DPP10: variants seen among roughly 807,000 people sequenced by gnomAD.
The protein encoded by DPP10 is inactive dipeptidyl peptidase 10.
DPP10 carries 33 observed loss-of-function variants against 120.9 expected under a neutral mutation model. The ratio of observed to expected loss-of-function variants is 0.27; its 90% confidence interval spans 0.21 to 0.37. The LOEUF is 0.37. Among genes scored for constraint, DPP10 ranks in the 10% least tolerant of loss-of-function variants. DPP10 has a pLI of 1.00. For synonymous variants in DPP10, 337 were observed against 326.1 expected, an observed-to-expected ratio of 1.03 and a Z score of -0.36; for missense variants, 816 against 942.8, an observed-to-expected ratio of 0.87 and a Z score of 1.76.
At chr2:114,913,539 T>C (rs940161584) in intron 1 of DPP10, among the ~76,000 whole-genome samples, 5 of 152,192 alleles carry the variant, frequency 3.3e-5, no homozygotes, top group African/African-American at 1.2e-4. Context: ...ATCATCTAAA[T>C]TCGACTTATA....
chr2:114,648,439 C>T (rs1357699198), intron 1 of DPP10, among the ~76,000 whole-genome samples: 1 of 152,120 alleles, frequency 6.6e-6, no homozygotes, highest in East Asian at 1.9e-4. Flanking sequence ...GATCTTCATC[C>T]CAGTATTTCT....
At chr2:114,666,552 A>G (rs576152706) in intron 1 of DPP10, among the ~76,000 whole-genome samples, 3 of 152,320 alleles carry the variant, frequency 2.0e-5, no homozygotes, top group Admixed American at 1.3e-4. Flanking sequence ...TTGATCTCTC[A>G]GCTGCCCTCA....
At chr2:115,382,239 T>G (rs865947430) in intron 3 of DPP10, among the ~76,000 whole-genome samples, 2 of 152,118 alleles carry the variant, frequency 1.3e-5, no homozygotes, top group Non-Finnish European at 2.9e-5. Context: ...CTCTGAGCCA[T>G]GTGCGGGATA....
At chr2:115,114,962 C>T (rs1468527050) in intron 1 of DPP10, among the ~76,000 whole-genome samples, 1 of 151,876 alleles carries the variant, frequency 6.6e-6, no homozygotes, top group Non-Finnish European at 1.5e-5. Context: ...GTTACACTGC[C>T]TGCAAAATGA....
At chr2:115,459,205 G>A (rs2073824952) in intron 3 of DPP10, among the ~76,000 whole-genome samples, 1 of 151,542 alleles carries the variant, frequency 6.6e-6, no homozygotes, top group Non-Finnish European at 1.5e-5. Flanking sequence ...TGCCCAGGCT[G>A]GAGTGCAGTG....
At chr2:115,208,323 C>A (rs1341991130) in intron 1 of DPP10, among the ~76,000 whole-genome samples, 1 of 151,908 alleles carries the variant, frequency 6.6e-6, no homozygotes, top group Non-Finnish European at 1.5e-5. Context: ...CCTCAGCCTC[C>A]CAAGTAGCTG....
chr2:115,076,215 G>T (rs1202816292), intron 1 of DPP10, among the ~76,000 whole-genome samples: 1 of 151,278 alleles, frequency 6.6e-6, no homozygotes, highest in East Asian at 1.9e-4. Context: ...ATAAACATTA[G>T]GTTTCTTTAA....
intron 7 of DPP10, among the ~76,000 whole-genome samples, chr2:115,709,277 A>G (rs1021416429): frequency 1.6e-4 from 25 of 152,094 alleles, no homozygotes; most frequent in African/African-American, 6.0e-4. Flanking sequence ...AGAGCCCTTG[A>G]GTAGCTGTAA....
chr2:115,436,440 G>C (rs1484591606), intron 3 of DPP10, among the ~76,000 whole-genome samples: 1 of 151,700 alleles, frequency 6.6e-6, no homozygotes, highest in Middle Eastern at 3.4e-3. Flanking sequence ...CAACTGAGAA[G>C]TGTTATACTG....
At chr2:114,878,844 CTT>C (rs1241518844) in intron 1 of DPP10, among the ~76,000 whole-genome samples, 1 of 152,068 alleles carries the variant, frequency 6.6e-6, no homozygotes, top group Non-Finnish European at 1.5e-5. Context: ...TTGATGAACA[CTT>C]AGACTGATTC....
intron 1 of DPP10, among the ~76,000 whole-genome samples, chr2:115,248,892 T>C (rs906444751): frequency 2.0e-5 from 3 of 152,144 alleles, no homozygotes; most frequent in Non-Finnish European, 4.4e-5. Context: ...AAAATCACGA[T>C]AGTATTGAGG....
At chr2:114,545,742 G>A (rs769404307) in intron 1 of DPP10, among the ~76,000 whole-genome samples, 5 of 152,106 alleles carry the variant, frequency 3.3e-5, no homozygotes, top group Non-Finnish European at 5.9e-5. Flanking sequence ...TTCAACACAG[G>A]TTAAGCACTG....
At chr2:115,169,438 T>TAC (rs1218597491) in intron 1 of DPP10, among the ~76,000 whole-genome samples, 1 of 149,388 alleles carries the variant, frequency 6.7e-6, no homozygotes, top group Non-Finnish European at 1.5e-5. Flanking sequence ...ATACACACTA[T>TAC]ACACACACAT....
intron 3 of DPP10, among the ~76,000 whole-genome samples, chr2:115,487,176 G>A (rs1292364038): frequency 4.7e-5 from 7 of 148,562 alleles, no homozygotes; most frequent in African/African-American, 1.7e-4. Context: ...TACAAGGGAT[G>A]TGAAGGACCT....
intron 1 of DPP10, among the ~76,000 whole-genome samples, chr2:114,547,074 G>A (rs755551778): frequency 1.8e-4 from 28 of 152,206 alleles, no homozygotes; most frequent in Non-Finnish European, 3.8e-4. Context: ...TATCAGCCCC[G>A]CATCATGTGT....
chr2:115,162,080 C>G (rs1026173189), intron 1 of DPP10: 1 of 1,484,482 alleles, frequency 6.7e-7, no homozygotes, highest in Non-Finnish European at 8.9e-7. Context: ...GGCTCCAGTG[C>G]GCGCTCCGCC....
At position 115,708,566 on chromosome 2, in the gene DPP10, A is replaced by G. The variant is rs185083215; in HGVS notation, c.576+18645A>G. ...TTGGCTGTTCATTTAAGAAAAACAA[A>G]GCTTGTCCACTAACTTTTTTGATTT... On this transcript the variant is annotated intron_variant, in intron 7 of 25. Transcript: ENST00000410059. 2.7e-3 allele frequency among the ~76,000 whole-genome samples: 413 copies of G among 152,146 alleles called. 2 individuals are homozygous for G. Among genetic ancestry groups the G allele is most frequent in the Admixed American group, 8.3e-3 (126 of 15,256 alleles).
At position 114,523,174 on chromosome 2, in the gene DPP10, C is replaced by T. The variant is rs181189222; in HGVS notation, c.60+80336C>T. 1.3e-3 allele frequency among the ~76,000 whole-genome samples: 197 copies of T among 152,298 alleles called. 3 individuals carry two copies. Among genetic ancestry groups the T allele is most frequent in the African/African-American group, 4.6e-3 (190 of 41,584 alleles). On this transcript the variant is annotated intron_variant, in intron 1 of 25. Coordinates refer to ENST00000410059, the MANE Select transcript of DPP10 (RefSeq NM_020868.6). The stretch of plus-strand genomic sequence containing the variant: ...TGTGGTCTCAGCTTGAGTCCAGCTT[C>T]AGTCTGATCCCATAGAGAGTTCTGG...
intron 1 of DPP10, among the ~76,000 whole-genome samples, chr2:114,671,672 T>C (rs1356637624): frequency 1.3e-5 from 2 of 152,130 alleles, no homozygotes; most frequent in Non-Finnish European, 1.5e-5. Flanking sequence ...ACTATCTCTG[T>C]ATCTTATACC....
Sources: allele counts gnomAD v4.1 joint callset (sites outside exome capture counted in the v4.1 genomes callset), GRCh38; gene constraint gnomAD v4.1.1; transcripts MANE v1.5; gene names NCBI Gene and HGNC (gene_info 2026-07-23, HGNC 2026-07-21).